The following CADM2 variants were observed in gnomAD, a reference collection of about 807,000 sequenced individuals.
The protein encoded by CADM2 is cell adhesion molecule 2.
CADM2 carries 12 observed loss-of-function variants against 49.8 expected under a neutral mutation model. The observed-to-expected ratio is 0.24, with a 90% CI of 0.15 to 0.39. The LOEUF is 0.39. CADM2 is among the 10% of genes least tolerant of loss of function. The pLI is 1.00. For synonymous variants in CADM2, 214 were observed against 175.4 expected, an observed-to-expected ratio of 1.22 and a Z score of -1.74; for missense variants, 378 against 492.3, an observed-to-expected ratio of 0.77 and a Z score of 2.20.
chr3:85,288,501 T>A (rs1192963188), intron 1 of CADM2, among the ~76,000 whole-genome samples: 2 of 152,132 alleles, frequency 1.3e-5, no homozygotes, highest in African/African-American at 2.4e-5. Flanking sequence ...ATTAAAATAA[T>A]AATATTAATA....
chr3:85,537,766 T>C (rs1389887508), intron 1 of CADM2, among the ~76,000 whole-genome samples: 2 of 151,662 alleles, frequency 1.3e-5, no homozygotes, highest in Non-Finnish European at 2.9e-5. Context: ...GAAAAAAAAA[T>C]GTTACCTATG....
chr3:85,057,274 T>C (rs2036116304), intron 1 of CADM2, among the ~76,000 whole-genome samples: 1 of 151,662 alleles, frequency 6.6e-6, no homozygotes, highest in Non-Finnish European at 1.5e-5. Context: ...CATCTAAGGA[T>C]AATCATTAAT....
In CADM2 at chr3:85,618,197, T is replaced by G. The variant is rs949764234; in HGVS notation, c.62-108325T>G. Among the ~76,000 whole-genome samples the G allele has an allele frequency of 5.6e-4, 85 of 152,274 alleles. 1 individual carries two copies. Among genetic ancestry groups the G allele is most frequent in the African/African-American group, 2.0e-3 (85 of 41,570 alleles). ...GCTAAATTAATAGACAATTTAACAT[T>G]TCTTACAGCCTCAAAACTGGAATTC... On this transcript the variant is annotated intron_variant, in intron 1 of 9. Transcript: ENST00000383699.
intron 1 of CADM2, among the ~76,000 whole-genome samples, chr3:85,111,497 T>C (rs1252186682): frequency 6.6e-6 from 1 of 151,830 alleles, no homozygotes; most frequent in Non-Finnish European, 1.5e-5. Context: ...TTATGTTAAG[T>C]GAAGTAAACG....
At chr3:86,052,454 A>C (rs1363441936) in intron 8 of CADM2, among the ~76,000 whole-genome samples, 1 of 152,144 alleles carries the variant, frequency 6.6e-6, no homozygotes, top group Non-Finnish European at 1.5e-5. Flanking sequence ...TAGTGAATGC[A>C]TCTTAGAGCT....
intron 1 of CADM2, among the ~76,000 whole-genome samples, chr3:85,138,621 A>G (rs2039487494): frequency 6.6e-6 from 1 of 152,168 alleles, no homozygotes; most frequent in African/African-American, 2.4e-5. Context: ...TTTCAACATA[A>G]AAACAAAAAA....
rs1393662282 is a variant in CADM2 at position 86,073,096 on chromosome 3, A to C, written c.*6313A>C. 1 of 152,076 alleles carries C rather than the reference A, an allele frequency of 6.6e-6. No individual in the cohort carries two copies. Among genetic ancestry groups the C allele is most frequent in the Admixed American group, 6.6e-5 (1 of 15,226 alleles). The allele number at this position is 152,076 out of a possible 1,614,324, so 9.4% of individuals were successfully genotyped here. ...TGTTGTTCAGCTTTTCATTCAAACA[A>C]AAAATATTCCCTCAAGAAAGCTCCA... On this transcript the variant is annotated 3_prime_UTR_variant, in exon 10 of 10. Coordinates refer to ENST00000383699, the MANE Select transcript of CADM2 (RefSeq NM_001167675.2).
chr3:85,470,807 C>A (rs892366), intron 1 of CADM2, among the ~76,000 whole-genome samples: 31,543 of 152,048 alleles, frequency 0.21, 3,882 homozygotes, highest in East Asian at 0.3. Flanking sequence ...AGGAAGGTTT[C>A]TTCATTTCTA....
intron 1 of CADM2, among the ~76,000 whole-genome samples, chr3:85,087,443 A>G (rs2037422784): frequency 1.3e-5 from 2 of 152,190 alleles, no homozygotes; most frequent in South Asian, 4.1e-4. Flanking sequence ...AAAAATGTTC[A>G]GTGAGCTTTA....
intron 1 of CADM2, among the ~76,000 whole-genome samples, chr3:85,622,080 A>C (rs374151275): frequency 6.6e-6 from 1 of 152,212 alleles, no homozygotes; most frequent in African/African-American, 2.4e-5. Context: ...TGCTTACCTT[A>C]TGTGGATAGT....
At chr3:85,376,894 G>T (rs1008238280) in intron 1 of CADM2, among the ~76,000 whole-genome samples, 3 of 152,068 alleles carry the variant, frequency 2.0e-5, no homozygotes, top group Non-Finnish European at 4.4e-5. Context: ...TAAAATAAAA[G>T]ATTGTGTTTT....
chr3:85,367,487 G>A (rs2032870437), intron 1 of CADM2, among the ~76,000 whole-genome samples: 1 of 151,568 alleles, frequency 6.6e-6, no homozygotes, highest in African/African-American at 2.4e-5. Flanking sequence ...AGATCAAAAA[G>A]TCCTTGAGTG....
At chr3:85,606,796 T>G (rs2063551514) in intron 1 of CADM2, among the ~76,000 whole-genome samples, 1 of 151,900 alleles carries the variant, frequency 6.6e-6, no homozygotes, top group African/African-American at 2.4e-5. Context: ...TATCCTGGCT[T>G]TTTTTTTCTT....
At chr3:85,121,414 C>T (rs1478529908) in intron 1 of CADM2, among the ~76,000 whole-genome samples, 1 of 152,064 alleles carries the variant, frequency 6.6e-6, no homozygotes, top group Non-Finnish European at 1.5e-5. Context: ...GGAAACAAAG[C>T]ATCGAAGAAG....
chr3:85,071,687 A>C (rs2036749524), intron 1 of CADM2, among the ~76,000 whole-genome samples: 2 of 152,134 alleles, frequency 1.3e-5, no homozygotes, highest in Admixed American at 6.5e-5. Context: ...GGGAGAGTGG[A>C]TAGTTAAATC....
At chr3:85,778,274 T>A (rs2070457245) in intron 2 of CADM2, among the ~76,000 whole-genome samples, 1 of 152,226 alleles carries the variant, frequency 6.6e-6, no homozygotes, top group African/African-American at 2.4e-5. Flanking sequence ...TATGTGTATA[T>A]GTGGATATAC....
At chr3:85,460,841 T>C (rs12633762) in intron 1 of CADM2, among the ~76,000 whole-genome samples, 37,561 of 151,868 alleles carry the variant, frequency 0.25, 4,817 homozygotes, top group South Asian at 0.34. Flanking sequence ...TTTTAATGTA[T>C]TTGCCCCATG....
chr3:85,998,938 A>G (rs1167646882), intron 8 of CADM2, among the ~76,000 whole-genome samples: 1 of 152,192 alleles, frequency 6.6e-6, no homozygotes, highest in Admixed American at 6.5e-5. Flanking sequence ...AGAGATACCA[A>G]AGAACTGATG....
At position 85,325,531 on chromosome 3, in the gene CADM2, G is replaced by A. The variant is rs1170813190; in HGVS notation, c.61+365863G>A. On this transcript the variant is annotated intron_variant, in intron 1 of 9. Transcript: ENST00000383699. ...CTGAGACCAGGATGGCCAACATGGC[G>A]AAACCCCGTTTCTGCTAAAAATACA... Among the ~76,000 whole-genome samples, 4 of 152,052 alleles carry A rather than the reference G, an allele frequency of 2.6e-5. No individual in the cohort carries two copies. In the South Asian group the frequency reaches 6.2e-4, roughly 24 times the overall value.
Sources: gnomAD v4.1 joint callset for allele counts (sites outside exome capture counted in the v4.1 genomes callset) on GRCh38, gnomAD v4.1.1 for gene constraint, MANE v1.5 for transcripts, NCBI Gene and HGNC (gene_info 2026-07-23, HGNC 2026-07-21) for gene names.